The following GREP1 variants were observed in gnomAD, a reference collection of about 807,000 sequenced individuals.
GREP1 encodes glycine rich extracellular protein 1.
At chr16:2,998,418 C>T (rs2072438571) in intron 24 of GREP1, 30 bp downstream of exon 22, 2 of 399,354 alleles carry the variant, frequency 5.0e-6, no homozygotes, top group Non-Finnish European at 8.8e-6. Context: ...CTCTGCCCCA[C>T]ACCTCCTTCT....
chr16:2,995,518 T>TCATGGGGG (rs1157998364), intron 15 of GREP1, 101 bp from the exon 16 acceptor site: 4 of 398,586 alleles, frequency 1.0e-5, no homozygotes, highest in Non-Finnish European at 8.8e-6. Context: ...GGGGCTGAGC[T>TCATGGGGG]GGTGAATAAC....
chr16:2,991,111 C>CCT lies in GREP1; in HGVS notation c.322+10_322+11insCT, dbSNP rs2072396959. The CCT allele has an allele frequency of 5.0e-6, 2 of 399,176 alleles. No homozygotes were observed. The highest frequency in any genetic ancestry group is 4.1e-5 in the African/African-American group (2 of 48,680). 24.7% of individuals were successfully genotyped at this position (399,176 alleles called of 1,614,324 possible). On this transcript the variant is annotated intron_variant, in intron 8 of 34. Coordinates refer to ENST00000573315, the Ensembl canonical transcript of GREP1. The surrounding 1 kb of genome is among the most constrained non-coding windows in gnomAD (Gnocchi z 4.9). The stretch of plus-strand genomic sequence containing the variant: ...GCCGGAGCCCAGTCAGGTGAGGAAA[C>CCT]GTCGGGTGTGGCAGGACCTGGGCTT...
intron 18 of GREP1, among the ~76,000 whole-genome samples, chr16:2,996,227 C>A (rs866805405): frequency 6.6e-6 from 1 of 152,054 alleles, no homozygotes; most frequent in African/African-American, 2.4e-5. Context: ...GCCACCGCAC[C>A]GGGCTGAGCC....
At chr16:3,001,931 A>G in exon 35 of GREP1, 1 of 318,690 alleles carries the variant, frequency 3.1e-6, no homozygotes, top group Non-Finnish European at 5.7e-6. Flanking sequence ...CATCCAAGTT[A>G]GGGGCCTTGT....
intron 32 of GREP1, 38 bp from the exon 27 acceptor site, chr16:3,000,676 G>T (rs1026931409): frequency 4.3e-5 from 17 of 398,810 alleles, no homozygotes; most frequent in Non-Finnish European, 4.4e-6. Flanking sequence ...CCCAGCTCCT[G>T]TGGGCAAGGG....
At chr16:2,990,575 G>A (rs2072393550) in exon 7 of GREP1, 1 of 399,324 alleles carries the variant, frequency 2.5e-6, no homozygotes, top group Non-Finnish European at 4.4e-6. Flanking sequence ...CGCAGGTGCT[G>A]CAGCCCAGCC....
At position 2,998,828 on chromosome 16, in the gene GREP1, T is replaced by C; in HGVS notation, c.1013-20T>C. 1 of 398,984 alleles carries C rather than the reference T, an allele frequency of 2.5e-6. No homozygotes were observed. The highest frequency in any genetic ancestry group is 1.3e-4 in the South Asian group (1 of 7,848). The allele number at this position is 398,984 out of a possible 1,614,324, so 24.7% of individuals were successfully genotyped here. ...CTGGCCTGGAGCATAGCCCCACCCC[T>C]CCCTTCCTTCCCATCGTAGGTCCCT... On this transcript the variant is annotated intron_variant, in intron 25 of 34. Transcript: ENST00000573315.
chr16:3,000,739 T>C, exon 33 of GREP1: 1 of 398,914 alleles, frequency 2.5e-6, no homozygotes, highest in Non-Finnish European at 4.4e-6. Context: ...TGTGGAACTC[T>C]CGCTGGCCCA....
intron 5 of GREP1, 108 bp downstream of exon 5, chr16:2,990,230 G>A: frequency 2.5e-6 from 1 of 398,222 alleles, no homozygotes; most frequent in East Asian, 3.6e-5. Flanking sequence ...CAGGTTTGCT[G>A]GTGTCTGGCT....
chr16:2,995,201 G>A (rs748021712), intron 13 of GREP1, 83 bp from the exon 15 acceptor site: 34 of 398,052 alleles, frequency 8.5e-5, no homozygotes, highest in Non-Finnish European at 1.2e-4. Context: ...GATGGGAGGA[G>A]CTGGGGTCCA....
chr16:2,990,626 T>TG, intron 7 of GREP1, 39 bp downstream of exon 6: 1 of 398,800 alleles, frequency 2.5e-6, no homozygotes, highest in Non-Finnish European at 4.4e-6. Flanking sequence ...GGGAGGGGCT[T>TG]GGGGGTGCCT....
chr16:3,000,485 A>G, intron 31 of GREP1: 1 of 399,224 alleles, frequency 2.5e-6, no homozygotes, highest in Non-Finnish European at 4.4e-6. Flanking sequence ...GACCCAGGGG[A>G]CAAAGTGCAG....
In GREP1 at chr16:2,994,656, T is replaced by A. The variant is rs567739118; in HGVS notation, c.386-42T>A. On this transcript the variant is annotated intron_variant, in intron 10 of 34. Transcript: ENST00000573315. ...CTGCCCGAGGTGGCTGGAGATGGCATCCAGGGCTCCGGAGGGCCTTAACCC... is the reference window on the plus strand; with the variant it reads ...CTGCCCGAGGTGGCTGGAGATGGCAACCAGGGCTCCGGAGGGCCTTAACCC... The A allele has an allele frequency of 4.3e-5, 17 of 399,008 alleles. No homozygotes were observed. The South Asian group carries it at 1.7e-3, about 39-fold the overall frequency. 24.7% of individuals were successfully genotyped at this position (399,008 alleles called of 1,614,324 possible).
chr16:2,994,881 G>T (rs113866643), intron 12 of GREP1, 43 bp downstream of exon 13: 1 of 399,112 alleles, frequency 2.5e-6, no homozygotes, highest in Non-Finnish European at 4.4e-6. Context: ...CCCAAAACCT[G>T]AGCTCCCTCC....
intron 27 of GREP1, among the ~76,000 whole-genome samples, chr16:2,999,681 G>C (rs1366559729): frequency 6.6e-6 from 1 of 152,052 alleles, no homozygotes; most frequent in African/African-American, 2.4e-5. Context: ...CAAACTCCTG[G>C]CTTCAAGTGA....
At position 3,001,504 on chromosome 16, in the gene GREP1, G is replaced by A. The variant is rs115008621; in HGVS notation, c.1586-57G>A. The A allele has an allele frequency of 6.6e-3, 2,634 of 399,054 alleles. 52 individuals carry two copies. Among genetic ancestry groups the A allele is most frequent in the African/African-American group, 0.048 (2,325 of 48,736 alleles). 24.7% of individuals were successfully genotyped at this position (399,054 alleles called of 1,614,324 possible). A position where few individuals can be genotyped will look rare whatever the true frequency, so the allele number is the denominator to read the frequency against. ...GCTCAGGTCCCTGGGAGGGGAGGAGGGGGCAAGGCCTCACCAGGGCCCCGC... is the reference window on the plus strand; with the variant it reads ...GCTCAGGTCCCTGGGAGGGGAGGAGAGGGCAAGGCCTCACCAGGGCCCCGC... On this transcript the variant is annotated intron_variant, in intron 34 of 34. Transcript: ENST00000573315.
In GREP1 at chr16:2,990,546, C is replaced by T. The variant is rs745445880; in HGVS notation, c.233-6C>T. The T allele has an allele frequency of 2.5e-6, 1 of 399,590 alleles. No homozygotes were observed. Among genetic ancestry groups the T allele is most frequent in the Non-Finnish European group, 4.4e-6 (1 of 226,384 alleles). The allele number at this position is 399,590 out of a possible 1,614,324, so 24.8% of individuals were successfully genotyped here. A position where few individuals can be genotyped will look rare whatever the true frequency, so the allele number is the denominator to read the frequency against. The stretch of plus-strand genomic sequence containing the variant: ...CTCCTGACTCCCTCCTGCCTTCTCG[C>T]CCCAGGGTTCAGGACCTTCGCAGGT... On this transcript the variant is annotated splice_polypyrimidine_tract_variant and splice_region_variant and intron_variant, in intron 6 of 34. Coordinates refer to ENST00000573315, the Ensembl canonical transcript of GREP1.
At position 2,992,697 on chromosome 16, in the gene GREP1, G is replaced by A. The variant is rs1484123299; in HGVS notation, c.323-108G>A. ...GGAGGGAGTTCACACAAGACAGAAA[G>A]GCAGAGGGCAGGGGTCACGCGAGAC... On this transcript the variant is annotated intron_variant, in intron 8 of 34. Transcript: ENST00000573315. This position sits in a 1 kb window ranked among gnomAD's most constrained non-coding sequence, Gnocchi z 4.9. The A allele has an allele frequency of 5.0e-5, 20 of 396,560 alleles. No homozygotes were observed. Among genetic ancestry groups the A allele is most frequent in the Non-Finnish European group, 4.4e-5 (10 of 225,114 alleles). The allele number at this position is 396,560 out of a possible 1,614,324, so 24.6% of individuals were successfully genotyped here. A position where few individuals can be genotyped will look rare whatever the true frequency, so the allele number is the denominator to read the frequency against.
At chr16:2,994,646 G>A (rs1184120373) in intron 10 of GREP1, 52 bp from the exon 12 acceptor site, 2 of 398,900 alleles carry the variant, frequency 5.0e-6, no homozygotes, top group Non-Finnish European at 8.8e-6. Flanking sequence ...CGAGGTGGCT[G>A]GAGATGGCAT....
Sources: allele counts gnomAD v4.1 joint callset (sites outside exome capture counted in the v4.1 genomes callset), GRCh38; gene constraint gnomAD v4.1.1; non-coding constraint Gnocchi (gnomAD v3.1); transcripts MANE v1.5; gene names NCBI Gene and HGNC (gene_info 2026-07-23, HGNC 2026-07-21).